Variants in WT1 observed in about 807,000 individuals in gnomAD.
WT1 encodes Wilms tumor protein.
In WT1, 8 loss-of-function variants were observed where a neutral mutation model predicts 60.8. That is an observed-to-expected ratio of 0.13 (90% CI 0.08 to 0.24). The LOEUF (loss-of-function observed/expected upper bound fraction) is 0.24. Ranked by LOEUF, WT1 falls within the 10% of genes least tolerant of loss-of-function variation. The pLI is 1.00. For synonymous variants in WT1, 312 were observed against 297.1 expected (o/e 1.05, Z -0.52); for missense variants, 568 against 711.8 (o/e 0.80, Z 2.30).
In WT1 at chr11:32,387,874, G is replaced by T. The variant is rs1272508702; in HGVS notation, c.*1184C>A. The T allele has an allele frequency of 4.3e-6, 1 of 233,268 alleles. No individual in the cohort carries two copies. The highest frequency in any genetic ancestry group is 8.5e-6 in the Non-Finnish European group (1 of 118,080). The allele number at this position is 233,268 out of a possible 1,614,324, so 14.4% of individuals were successfully genotyped here. A position where few individuals can be genotyped will look rare whatever the true frequency, so the allele number is the denominator to read the frequency against. On this transcript the variant is annotated 3_prime_UTR_variant, in exon 10 of 10. Transcript: ENST00000452863. ...TCTTGTAAGATCAACACCCAGTGAT[G>T]CATCTAGTACTTATACAGTCCTAAT...
chr11:32,427,973 C>T lies in WT1; in HGVS notation c.870G>A (p.Leu290=). 6.2e-7 allele frequency: 1 copy of T among 1,611,632 alleles called. No homozygotes were observed. The highest frequency in any genetic ancestry group is 8.5e-7 in the Non-Finnish European group (1 of 1,179,188). Residue 290 remains leucine, a synonymous_variant, in exon 3 of 10, where the codon CTG becomes CTA. Transcript: ENST00000452863. Reference sequence around the variant, plus strand: ...CTTCCTACCTGCTGTAGGGCGTCCTCAGCAGCAAAGCCTGGCTGCCGGTGC... The same window carrying T: ...CTTCCTACCTGCTGTAGGGCGTCCTTAGCAGCAAAGCCTGGCTGCCGGTGC...
At position 32,435,375 on chromosome 11, in the gene WT1, G is replaced by C. The variant is rs2133108250; in HGVS notation, c.-15C>G. On this transcript the variant is annotated 5_prime_UTR_variant, in exon 1 of 10. Transcript: ENST00000452863. ...AGGAAGTCCAGGATCGCGGCGAGGA[G>C]ACGGCGGGGCCCGGGCGCCTGGGCT... 1 of 1,524,286 alleles carries C rather than the reference G, an allele frequency of 6.6e-7. No homozygotes were observed. The highest frequency in any genetic ancestry group is 2.5e-5 in the East Asian group (1 of 40,476). 94.4% of individuals were successfully genotyped at this position (1,524,286 alleles called of 1,614,324 possible).
At chr11:32,399,079 C>A (rs1163364268) in intron 6 of WT1, among the ~76,000 whole-genome samples, 3 of 150,646 alleles carry the variant, frequency 2.0e-5, no homozygotes, top group Non-Finnish European at 4.4e-5. Context: ...TGGTGTGAAC[C>A]CTGGAGGCGG....
At position 32,388,666 on chromosome 11, in the gene WT1, C is replaced by T. The variant is rs1310626511; in HGVS notation, c.*392G>A. ...AGCAGACACATACACATGCCCTGGC[C>T]TATAAATATTCCATGATAGAAAATG... On this transcript the variant is annotated 3_prime_UTR_variant, in exon 10 of 10. Coordinates refer to ENST00000452863, the MANE Select transcript of WT1 (RefSeq NM_024426.6). 3.1e-5 allele frequency: 11 copies of T among 353,332 alleles called. No individual in the cohort carries two copies. Among genetic ancestry groups the T allele is most frequent in the South Asian group, 1.8e-4 (4 of 21,932 alleles). The allele number at this position is 353,332 out of a possible 1,614,324, so 21.9% of individuals were successfully genotyped here. A position where few individuals can be genotyped will look rare whatever the true frequency, so the allele number is the denominator to read the frequency against.
intron 5 of WT1, among the ~76,000 whole-genome samples, chr11:32,414,778 C>T (rs1377964205): frequency 1.3e-5 from 2 of 150,960 alleles, no homozygotes; most frequent in Non-Finnish European, 2.9e-5. Context: ...GAGGCTGAGG[C>T]AGGAGAATCA....
At chr11:32,426,927 C>G (rs1174359461) in intron 3 of WT1, among the ~76,000 whole-genome samples, 3 of 152,136 alleles carry the variant, frequency 2.0e-5, no homozygotes, top group African/African-American at 7.2e-5. Context: ...CGCGGCCACT[C>G]CCCCACCCAA....
At chr11:32,430,522 A>G (rs1290554029) in intron 1 of WT1, 5 of 1,607,942 alleles carry the variant, frequency 3.1e-6, no homozygotes, top group African/African-American at 1.4e-5. Context: ...AGTTTTCTCT[A>G]GACGAACCCT....
chr11:32,428,166 G>T, intron 2 of WT1, 108 bp from the exon 3 acceptor site: 1 of 1,080,062 alleles, frequency 9.3e-7, no homozygotes, highest in Non-Finnish European at 1.3e-6. Context: ...TGGGGCACTG[G>T]GGCCTGGATG....
At chr11:32,420,019 C>A (rs1174076180) in intron 3 of WT1, among the ~76,000 whole-genome samples, 1 of 152,090 alleles carries the variant, frequency 6.6e-6, no homozygotes, top group Non-Finnish European at 1.5e-5. Context: ...ATTTTCTTGG[C>A]CCTCAGAAGG....
chr11:32,404,029 T>C (rs1262088717), intron 5 of WT1, among the ~76,000 whole-genome samples: 2 of 151,944 alleles, frequency 1.3e-5, no homozygotes, highest in Admixed American at 6.6e-5. Flanking sequence ...ATCCCAGCAC[T>C]TTGGGAGGCC....
chr11:32,397,121 G>T (rs894636927), intron 6 of WT1, among the ~76,000 whole-genome samples: 11 of 152,206 alleles, frequency 7.2e-5, no homozygotes, highest in African/African-American at 2.7e-4. Context: ...TGCAGTGTGT[G>T]TGTTGTCAGT....
rs1590411426 is a variant in WT1 at position 32,435,245 on chromosome 11, C to A, written c.116G>T (p.Arg39Leu). The change falls in exon 1 of 10, where the codon CGG (arginine) becomes CTG (leucine). Residue 39 changes from arginine (R) to leucine (L), a missense_variant. By Grantham distance (102) the Arg-to-Leu change is moderately radical (BLOSUM62 -2). Coordinates refer to ENST00000452863, the MANE Select transcript of WT1 (RefSeq NM_024426.6). ...CTTGGCCCAGATGCCGCCCGGGTCCCGGACTCCCTGCTGCTCTGGCTGCTG... is the reference window on the plus strand; with the variant it reads ...CTTGGCCCAGATGCCGCCCGGGTCCAGGACTCCCTGCTGCTCTGGCTGCTG... 1 of 1,536,270 alleles carries A rather than the reference C, an allele frequency of 6.5e-7. No individual in the cohort carries two copies. Among genetic ancestry groups the A allele is most frequent in the Middle Eastern group, 1.9e-4 (1 of 5,206 alleles).
chr11:32,435,240 G>T lies in WT1; in HGVS notation c.121C>A (p.Pro41Thr). Residue 41 changes from proline to threonine, a missense_variant, in exon 1 of 10, where the codon CCG (proline) becomes ACG (threonine). Transcript: ENST00000452863. ...CCTAACTTGGCCCAGATGCCGCCCG[G>T]GTCCCGGACTCCCTGCTGCTCTGGC... 1 of 1,536,102 alleles carries T rather than the reference G, an allele frequency of 6.5e-7. No homozygotes were observed. Among genetic ancestry groups the T allele is most frequent in the Non-Finnish European group, 8.7e-7 (1 of 1,147,396 alleles).
intron 3 of WT1, among the ~76,000 whole-genome samples, chr11:32,421,218 T>A (rs187083119): frequency 6.6e-6 from 1 of 152,346 alleles, no homozygotes; most frequent in East Asian, 1.9e-4. Flanking sequence ...GCTCTCATCA[T>A]GGAAGCCCAT....
At chr11:32,400,122 G>A in intron 5 of WT1, 78 bp from the exon 6 acceptor site, 1 of 1,530,590 alleles carries the variant, frequency 6.5e-7, no homozygotes, top group Non-Finnish European at 9.0e-7. Flanking sequence ...CAATCAGGAG[G>A]GAATGATGGT....
chr11:32,391,756 T>C (rs1336221906), intron 9 of WT1, among the ~76,000 whole-genome samples: 1 of 152,198 alleles, frequency 6.6e-6, no homozygotes, highest in Non-Finnish European at 1.5e-5. Flanking sequence ...AGCCATTCTT[T>C]TCCCATCTTT....
At chr11:32,405,277 C>T (rs996847368) in intron 5 of WT1, among the ~76,000 whole-genome samples, 1 of 152,112 alleles carries the variant, frequency 6.6e-6, no homozygotes, top group Non-Finnish European at 1.5e-5. Flanking sequence ...CATTGCTATA[C>T]TTTTCCATTC....
intron 1 of WT1, chr11:32,430,799 G>A: frequency 1.5e-6 from 2 of 1,311,832 alleles, no homozygotes; most frequent in South Asian, 2.7e-5. Flanking sequence ...CCCCGGGAGG[G>A]GCAGTGGTGA....
chr11:32,405,284 A>T (rs1852274076), intron 5 of WT1, among the ~76,000 whole-genome samples: 1 of 152,098 alleles, frequency 6.6e-6, no homozygotes, highest in Non-Finnish European at 1.5e-5. Flanking sequence ...ATACTTTTCC[A>T]TTCTCAAAGA....
Sources: gnomAD v4.1 joint callset for allele counts (sites outside exome capture counted in the v4.1 genomes callset) on GRCh38, gnomAD v4.1.1 for gene constraint, MANE v1.5 for transcripts, NCBI Gene and HGNC (gene_info 2026-07-23, HGNC 2026-07-21) for gene names.